Variants in EPSTI1 observed in about 807,000 individuals in gnomAD.
EPSTI1 encodes epithelial-stromal interaction protein 1.
In EPSTI1, 66 loss-of-function variants were observed where a neutral mutation model predicts 49.9. The ratio of observed to expected loss-of-function variants is 1.32; its 90% CI spans 1.08 to 1.62. The LOEUF (loss-of-function observed/expected upper bound fraction) is 1.62. Ranked by LOEUF, EPSTI1 falls within the 40% of genes most tolerant of loss-of-function variation. EPSTI1 has a pLI of 0.00. For synonymous variants in EPSTI1, 137 were observed against 130.7 expected (o/e 1.05, Z -0.33); for missense variants, 394 against 365.5 (o/e 1.08, Z -0.64).
chr13:42,980,333 A>G (rs1404094635), intron 1 of EPSTI1, among the ~76,000 whole-genome samples: 4 of 152,216 alleles, frequency 2.6e-5, no homozygotes, highest in African/African-American at 9.7e-5. Flanking sequence ...AGGGCATTGT[A>G]TTAGTCCATT....
At chr13:42,939,417 A>T (rs1317465447) in intron 6 of EPSTI1, among the ~76,000 whole-genome samples, 1 of 129,564 alleles carries the variant, frequency 7.7e-6, no homozygotes, top group African/African-American at 2.6e-5. Context: ...TTAGCTTTTG[A>T]TTTAAAATGA....
chr13:42,948,432 T>G (rs927332770), intron 6 of EPSTI1, among the ~76,000 whole-genome samples: 10 of 150,798 alleles, frequency 6.6e-5, no homozygotes, highest in Non-Finnish European at 1.2e-4. Context: ...GTTGTTTTTT[T>G]TTTTTTTTTG....
At chr13:42,895,373 C>A (rs1168821704) in intron 9 of EPSTI1, among the ~76,000 whole-genome samples, 1 of 152,210 alleles carries the variant, frequency 6.6e-6, no homozygotes, top group African/African-American at 2.4e-5. Flanking sequence ...CCTGCCAGTT[C>A]AGCAAGACCC....
At position 42,917,818 on chromosome 13, in the gene EPSTI1, T is replaced by C. The variant is rs576986388; in HGVS notation, c.658-194A>G. On this transcript the variant is annotated intron_variant, in intron 7 of 10. Coordinates refer to ENST00000313624, the MANE Select transcript of EPSTI1 (RefSeq NM_033255.5). Reference sequence around the variant, plus strand: ...ATGTCTGAAAACGTCCCTTGGAACATATAAAAAGAAAACTAGTGTAAGCAC... The same window carrying C: ...ATGTCTGAAAACGTCCCTTGGAACACATAAAAAGAAAACTAGTGTAAGCAC... Among the ~76,000 whole-genome samples the C allele has an allele frequency of 2.0e-5, 3 of 152,296 alleles. No homozygotes were observed. The South Asian group carries it at 6.2e-4, about 32-fold the overall frequency.
chr13:42,959,441 C>A (rs2039375941), intron 5 of EPSTI1, among the ~76,000 whole-genome samples: 1 of 152,186 alleles, frequency 6.6e-6, no homozygotes, highest in South Asian at 2.1e-4. Flanking sequence ...GAAATAACTT[C>A]CTCAATGTTG....
chr13:42,934,804 A>C (rs540588244), intron 6 of EPSTI1: 1 of 205,230 alleles, frequency 4.9e-6, no homozygotes, highest in African/African-American at 2.3e-5. Flanking sequence ...ATCTACCAGA[A>C]CATTCACTCC....
chr13:42,936,242 T>C (rs2038559019), intron 6 of EPSTI1, among the ~76,000 whole-genome samples: 2 of 152,334 alleles, frequency 1.3e-5, no homozygotes, highest in South Asian at 4.1e-4. Context: ...ACAAACATGA[T>C]CAATTTAAGA....
chr13:42,991,158 T>G (rs1338752962), intron 1 of EPSTI1: 1 of 152,356 alleles, frequency 6.6e-6, no homozygotes, highest in Non-Finnish European at 1.5e-5. Flanking sequence ...CTGCGAGTCT[T>G]GCTGGGACGT....
At chr13:42,900,687 A>T (rs997126645) in intron 8 of EPSTI1, among the ~76,000 whole-genome samples, 1 of 151,932 alleles carries the variant, frequency 6.6e-6, no homozygotes, top group Non-Finnish European at 1.5e-5. Flanking sequence ...AGTCAAACTC[A>T]TCTATGTCTT....
In EPSTI1 at chr13:42,990,439, T is replaced by C. The variant is rs73472174; in HGVS notation, c.188+1539A>G. 4.5e-3 allele frequency among the ~76,000 whole-genome samples: 690 copies of C among 152,242 alleles called. 7 individuals carry two copies. Among genetic ancestry groups the C allele is most frequent in the African/African-American group, 0.015 (644 of 41,558 alleles). ...GCGATGATATGAGCTTAGAAATAAATGGTTGTATCTAAATAAATGCTTTTT... is the reference window on the plus strand; with the variant it reads ...GCGATGATATGAGCTTAGAAATAAACGGTTGTATCTAAATAAATGCTTTTT... On this transcript the variant is annotated intron_variant, in intron 1 of 10. Transcript: ENST00000313624.
intron 1 of EPSTI1, among the ~76,000 whole-genome samples, chr13:42,975,837 G>A (rs894890744): frequency 6.6e-6 from 1 of 152,022 alleles, no homozygotes. Context: ...TAGCAAGAAG[G>A]AGTCACACTA....
intron 6 of EPSTI1, among the ~76,000 whole-genome samples, chr13:42,941,720 T>C (rs2038757414): frequency 6.6e-6 from 1 of 151,182 alleles, no homozygotes; most frequent in Non-Finnish European, 1.5e-5. Flanking sequence ...TGTGGCTTTC[T>C]AGGATTTGGG....
At chr13:42,932,752 G>A (rs2038419327) in intron 6 of EPSTI1, among the ~76,000 whole-genome samples, 1 of 152,076 alleles carries the variant, frequency 6.6e-6, no homozygotes, top group Admixed American at 6.6e-5. Flanking sequence ...ATTATAAAGA[G>A]AAAAACAATA....
intron 9 of EPSTI1, among the ~76,000 whole-genome samples, chr13:42,895,577 CAT>C (rs150736264): frequency 6.6e-6 from 1 of 152,296 alleles, no homozygotes; most frequent in African/African-American, 2.4e-5. Context: ...AAGTAAACCC[CAT>C]ACATGAAAAG....
rs555653494 is a variant in EPSTI1, at chr13:42,907,691, TTC to T, written c.742-7310_742-7309del. Among the ~76,000 whole-genome samples, 310 of 152,348 alleles carry T rather than the reference TTC, an allele frequency of 2.0e-3. 2 individuals are homozygous for T. Among genetic ancestry groups the T allele is most frequent in the Middle Eastern group, 0.01 (3 of 294 alleles). On this transcript the variant is annotated intron_variant, in intron 8 of 10. Coordinates refer to ENST00000313624, the MANE Select transcript of EPSTI1 (RefSeq NM_033255.5). The stretch of plus-strand genomic sequence containing the variant: ...TTCTAAAGTTTAAATTTCATTATTT[TTC>T]TCTCAGTTGAAATTTAGAAACAGTA...
intron 6 of EPSTI1, among the ~76,000 whole-genome samples, chr13:42,944,451 T>C (rs2038858659): frequency 6.6e-6 from 1 of 151,860 alleles, no homozygotes. Context: ...TTCTCATTCA[T>C]AAGTGGGAGT....
At chr13:42,903,621 A>T (rs139461047) in intron 8 of EPSTI1, among the ~76,000 whole-genome samples, 27 of 152,366 alleles carry the variant, frequency 1.8e-4, no homozygotes, top group Non-Finnish European at 3.4e-4. Context: ...CATGATACAT[A>T]TGGAAATGTA....
intron 6 of EPSTI1, among the ~76,000 whole-genome samples, chr13:42,949,010 A>T (rs1305712450): frequency 1.3e-5 from 2 of 152,198 alleles, no homozygotes; most frequent in Non-Finnish European, 2.9e-5. Flanking sequence ...TAACCAGCAC[A>T]TTAAAATAGA....
chr13:42,938,804 A>C (rs948067033), intron 6 of EPSTI1, among the ~76,000 whole-genome samples: 2 of 149,656 alleles, frequency 1.3e-5, no homozygotes, highest in South Asian at 4.2e-4. Flanking sequence ...AATCCCAGCT[A>C]CTCAGGAGGC....
Sources: allele counts gnomAD v4.1 joint callset (sites outside exome capture counted in the v4.1 genomes callset), GRCh38; gene constraint gnomAD v4.1.1; transcripts MANE v1.5; gene names NCBI Gene and HGNC (gene_info 2026-07-23, HGNC 2026-07-21).